BORCS8: variants seen among roughly 807,000 people sequenced by gnomAD.
BORCS8 encodes BLOC-1-related complex subunit 8.
A neutral mutation model predicts 18.7 loss-of-function variants in BORCS8; 13 were observed. That is an observed-to-expected ratio of 0.70 (90% CI 0.45 to 1.11). The LOEUF (loss-of-function observed/expected upper bound fraction) is 1.11, where lower values mean the gene tolerates loss of function less well. Among genes scored for constraint, BORCS8 ranks in the 50% least tolerant of loss-of-function variants. The probability of loss-of-function intolerance (pLI) is 0.00; values close to 1 mark genes in which losing one functional copy is unlikely to be tolerated. For missense variants in BORCS8, 165 were observed against 165.7 expected (o/e 1.00, Z 0.02); for synonymous variants, 68 against 64.8 (o/e 1.05, Z -0.24).
chr19:19,192,046 C>A, intron 1 of BORCS8, 35 bp downstream of exon 1: 4 of 1,550,220 alleles, frequency 2.6e-6, no homozygotes, highest in Non-Finnish European at 3.5e-6. Flanking sequence ...CACAAGTTAC[C>A]GGCCCCCTCT....
At chr19:19,183,863 C>T (rs1305337136) in intron 3 of BORCS8, among the ~76,000 whole-genome samples, 2 of 151,582 alleles carry the variant, frequency 1.3e-5, no homozygotes, top group Non-Finnish European at 2.9e-5. Context: ...AGCCACTGCG[C>T]TCAGCCTCAT....
intron 2 of BORCS8, 99 bp from the exon 3 acceptor site, chr19:19,186,197 G>T: frequency 8.6e-7 from 1 of 1,158,800 alleles, no homozygotes; most frequent in South Asian, 1.3e-5. Flanking sequence ...AGTCCTCATG[G>T]TGGAAGCAGA....
chr19:19,183,279 G>T (rs972388917), intron 3 of BORCS8, among the ~76,000 whole-genome samples: 1 of 151,934 alleles, frequency 6.6e-6, no homozygotes, highest in East Asian at 2.0e-4. Context: ...GCGTGGTGGC[G>T]GCCGCCTGTA....
chr19:19,180,848 T>C, intron 4 of BORCS8, 87 bp from the exon 5 acceptor site: 2 of 1,357,592 alleles, frequency 1.5e-6, no homozygotes, highest in Non-Finnish European at 2.0e-6. Flanking sequence ...GTTTGGGTGA[T>C]ACTCTGGTCT....
rs114853707 is a variant in BORCS8, at chr19:19,190,006, T to C, written c.37+2075A>G. 9.5e-3 allele frequency among the ~76,000 whole-genome samples: 1,439 copies of C among 152,274 alleles called. 27 individuals are homozygous for C. The highest frequency in any genetic ancestry group is 0.032 in the African/African-American group (1,344 of 41,550). Reference sequence around the variant, plus strand: ...TAAACACTTGGTCACCTCAAGGCCTTTGCACTTGGTATTCCCACCTGGAGA... The same window carrying C: ...TAAACACTTGGTCACCTCAAGGCCTCTGCACTTGGTATTCCCACCTGGAGA... On this transcript the variant is annotated intron_variant, in intron 1 of 5. Transcript: ENST00000462790.
intron 1 of BORCS8, among the ~76,000 whole-genome samples, chr19:19,191,526 G>T (rs1447349692): frequency 6.7e-6 from 1 of 148,642 alleles, no homozygotes; most frequent in Non-Finnish European, 1.5e-5. Flanking sequence ...AAGACGCACA[G>T]CGATTACTAC....
intron 2 of BORCS8, 135 bp from the exon 3 acceptor site, chr19:19,186,233 C>G (rs762951981): frequency 2.1e-4 from 170 of 822,328 alleles, no homozygotes; most frequent in Non-Finnish European, 3.1e-4. Context: ...AACTCCCTTC[C>G]CTCACAGGTC....
At chr19:19,192,050 C>T in intron 1 of BORCS8, 31 bp downstream of exon 1, 1 of 1,550,692 alleles carries the variant, frequency 6.4e-7, no homozygotes, top group East Asian at 2.4e-5. Flanking sequence ...AGTTACCGGC[C>T]CCCTCTGTCC....
chr19:19,182,121 C>T lies in BORCS8; in HGVS notation c.326+452G>A, dbSNP rs767757494. On this transcript the variant is annotated intron_variant, in intron 4 of 5. Coordinates refer to ENST00000462790, the MANE Select transcript of BORCS8 (RefSeq NM_001145784.2). This position sits in a 1 kb window ranked among gnomAD's most constrained non-coding sequence, Gnocchi z 4.1. ...CCACAGAAGCCTTCTCGGTGCTTCT[C>T]GAACACTCCCAGGGATCCCAGCCCC... 29 of 855,122 alleles carry T rather than the reference C, an allele frequency of 3.4e-5. No individual in the cohort carries two copies. Among genetic ancestry groups the T allele is most frequent in the Non-Finnish European group, 1.1e-5 (8 of 710,910 alleles). The allele number at this position is 855,122 out of a possible 1,614,324, so 53.0% of individuals were successfully genotyped here. A position where few individuals can be genotyped will look rare whatever the true frequency, so the allele number is the denominator to read the frequency against.
chr19:19,177,168 G>A lies in BORCS8; in HGVS notation c.*335C>T, dbSNP rs1035495933. On this transcript the variant is annotated 3_prime_UTR_variant, in exon 6 of 6. Transcript: ENST00000462790. ...CAAGGGAGCTCTGATTGGCCAGGCC[G>A]AGGTGCCACATCCACCACTGGAACT... 4 of 152,186 alleles carry A rather than the reference G, an allele frequency of 2.6e-5. No homozygotes were observed. The highest frequency in any genetic ancestry group is 9.7e-5 in the African/African-American group (4 of 41,436). 9.4% of individuals were successfully genotyped at this position (152,186 alleles called of 1,614,324 possible). A position where few individuals can be genotyped will look rare whatever the true frequency, so the allele number is the denominator to read the frequency against.
intron 1 of BORCS8, among the ~76,000 whole-genome samples, chr19:19,190,733 A>G (rs2060460743): frequency 6.6e-6 from 1 of 152,094 alleles, no homozygotes; most frequent in Admixed American, 6.6e-5. Flanking sequence ...GGTTGCCGTG[A>G]GCCATGATCA....
chr19:19,177,087 A>C lies in BORCS8; in HGVS notation c.*416T>G, dbSNP rs1367366247. On this transcript the variant is annotated 3_prime_UTR_variant, in exon 6 of 6. Transcript: ENST00000462790. ...TGATGCTCCTGGTAGAACTCCCAGGAAAGGTCGCTCATTGGGTCACGTGTC... is the reference window on the plus strand; with the variant it reads ...TGATGCTCCTGGTAGAACTCCCAGGCAAGGTCGCTCATTGGGTCACGTGTC... The C allele has an allele frequency of 6.6e-6, 1 of 152,128 alleles. No homozygotes were observed. The highest frequency in any genetic ancestry group is 1.5e-5 in the Non-Finnish European group (1 of 68,062). The allele number at this position is 152,128 out of a possible 1,614,324, so 9.4% of individuals were successfully genotyped here. A position where few individuals can be genotyped will look rare whatever the true frequency, so the allele number is the denominator to read the frequency against.
intron 3 of BORCS8, among the ~76,000 whole-genome samples, chr19:19,185,512 C>T (rs1008031513): frequency 3.3e-5 from 5 of 152,232 alleles, no homozygotes; most frequent in Admixed American, 3.3e-4. Context: ...ATGGCGAAAC[C>T]CCATCTCTGC....
chr19:19,180,909 A>C lies in BORCS8; in HGVS notation c.327-148T>G, dbSNP rs571675701. The C allele has an allele frequency of 1.7e-5, 14 of 843,026 alleles. No individual in the cohort carries two copies. In the South Asian group the frequency reaches 1.8e-4, roughly 11 times the overall value. The allele number at this position is 843,026 out of a possible 1,614,324, so 52.2% of individuals were successfully genotyped here. A position where few individuals can be genotyped will look rare whatever the true frequency, so the allele number is the denominator to read the frequency against. On this transcript the variant is annotated intron_variant, in intron 4 of 5. Coordinates refer to ENST00000462790, the MANE Select transcript of BORCS8 (RefSeq NM_001145784.2). Reference sequence around the variant, plus strand: ...GGGCATCCTGCTTAAAAGTGGGATGAGTGGGCCAGGAACGGTGGCTCACGC... The same window carrying C: ...GGGCATCCTGCTTAAAAGTGGGATGCGTGGGCCAGGAACGGTGGCTCACGC...
intron 4 of BORCS8, among the ~76,000 whole-genome samples, 200 bp from the exon 5 acceptor site, chr19:19,180,961 G>A (rs1378426863): frequency 1.3e-5 from 2 of 152,166 alleles, no homozygotes; most frequent in Non-Finnish European, 2.9e-5. Context: ...TTGGGAGGCT[G>A]AGGTGGGTGG....
chr19:19,188,142 G>C (rs1003814586), intron 1 of BORCS8, among the ~76,000 whole-genome samples: 1 of 151,874 alleles, frequency 6.6e-6, no homozygotes. Context: ...TCATTCTCCC[G>C]GCTCAGCCTC....
intron 2 of BORCS8, 97 bp from the exon 3 acceptor site, chr19:19,186,195 T>G: frequency 8.5e-7 from 1 of 1,174,158 alleles, no homozygotes; most frequent in Non-Finnish European, 1.2e-6. Flanking sequence ...TGAGTCCTCA[T>G]GGTGGAAGCA....
chr19:19,183,941 A>G (rs2146418869), intron 3 of BORCS8, among the ~76,000 whole-genome samples: 1 of 137,556 alleles, frequency 7.3e-6, no homozygotes, highest in Admixed American at 7.7e-5. Context: ...GCCCAGACTG[A>G]GCACAATCTC....
Position 19,192,078 on chromosome 19 carries a change from C to T in BORCS8, c.37+3G>A. 2 of 1,551,512 alleles carry T rather than the reference C, an allele frequency of 1.3e-6. No homozygotes were observed. Among genetic ancestry groups the T allele is most frequent in the East Asian group, 4.9e-5 (2 of 40,898 alleles). On this transcript the variant is annotated splice_donor_region_variant and intron_variant, in intron 1 of 5. Coordinates refer to ENST00000462790, the MANE Select transcript of BORCS8 (RefSeq NM_001145784.2). ...CTCTGTCCCGCCCGCAGGCCCGCACCACCTTTCTTCCCCTTGAGCTGCATC... is the reference window on the plus strand; with the variant it reads ...CTCTGTCCCGCCCGCAGGCCCGCACTACCTTTCTTCCCCTTGAGCTGCATC...
Sources: allele counts gnomAD v4.1 joint callset (sites outside exome capture counted in the v4.1 genomes callset), GRCh38; gene constraint gnomAD v4.1.1; non-coding constraint Gnocchi (gnomAD v3.1); transcripts MANE v1.5; gene names NCBI Gene and HGNC (gene_info 2026-07-23, HGNC 2026-07-21).